The following ATP8A2 variants were observed in gnomAD, a reference collection of about 807,000 sequenced individuals.
ATP8A2 encodes ATPase phospholipid transporting 8A2, also known as phospholipid-transporting ATPase IB.
Under a neutral mutation model 165.6 loss-of-function variants are expected in ATP8A2, and 100 were observed. The ratio of observed to expected loss-of-function variants is 0.60; its 90% CI spans 0.51 to 0.71. The LOEUF is 0.71. Ranked by LOEUF, ATP8A2 falls within the 30% of genes least tolerant of loss-of-function variation. The pLI is 0.00. For missense variants in ATP8A2, 1,227 were observed against 1,479.5 expected (o/e 0.83, Z 2.80); for synonymous variants, 543 against 548.8 (o/e 0.99, Z 0.15).
chr13:25,513,261 G>A (rs183731400), intron 2 of ATP8A2, among the ~76,000 whole-genome samples: 10,405 of 151,386 alleles, frequency 0.069, 464 homozygotes, highest in African/African-American at 0.11. Flanking sequence ...GGGCAGAGAC[G>A]CTCCTCACCT....
At chr13:25,610,158 C>T (rs1031585680) in intron 24 of ATP8A2, among the ~76,000 whole-genome samples, 5 of 151,932 alleles carry the variant, frequency 3.3e-5, no homozygotes, top group African/African-American at 1.2e-4. Context: ...GTTGCATTTG[C>T]TTTTGGGTTC....
At chr13:25,450,982 T>A (rs1030173052) in intron 1 of ATP8A2, among the ~76,000 whole-genome samples, 1 of 152,078 alleles carries the variant, frequency 6.6e-6, no homozygotes, top group Admixed American at 6.5e-5. Context: ...ACCTTTGGGT[T>A]TATGGTTTTC....
chr13:25,991,026 G>A (rs1194186906), intron 35 of ATP8A2, among the ~76,000 whole-genome samples: 1 of 152,118 alleles, frequency 6.6e-6, no homozygotes, highest in Non-Finnish European at 1.5e-5. Context: ...ATGTGCTGGG[G>A]CTGTCATTCA....
At chr13:25,518,648 T>C (rs2137826844) in intron 2 of ATP8A2, among the ~76,000 whole-genome samples, 1 of 152,262 alleles carries the variant, frequency 6.6e-6, no homozygotes, top group African/African-American at 2.4e-5. Flanking sequence ...ACTTCAATTT[T>C]TCTCGTAGCT....
chr13:25,419,006 A>C (rs557450172), intron 1 of ATP8A2, among the ~76,000 whole-genome samples: 3 of 152,000 alleles, frequency 2.0e-5, no homozygotes, highest in Admixed American at 6.6e-5. Flanking sequence ...AAGAGAAGGG[A>C]GGGGGAAGAA....
At chr13:25,654,464 C>T (rs1371473017) in intron 24 of ATP8A2, among the ~76,000 whole-genome samples, 1 of 152,158 alleles carries the variant, frequency 6.6e-6, no homozygotes, top group Non-Finnish European at 1.5e-5. Context: ...TTGGCCTCCT[C>T]CCAAAGTGCT....
chr13:25,892,134 C>T (rs1287729102), intron 33 of ATP8A2, among the ~76,000 whole-genome samples: 1 of 152,020 alleles, frequency 6.6e-6, no homozygotes, highest in Non-Finnish European at 1.5e-5. Flanking sequence ...CGCCACCACA[C>T]CTGGCTAATC....
intron 27 of ATP8A2, among the ~76,000 whole-genome samples, chr13:25,778,356 C>T (rs995138605): frequency 2.0e-5 from 3 of 152,018 alleles, no homozygotes; most frequent in South Asian, 2.1e-4. Flanking sequence ...TTGAGTGTGC[C>T]GCATAAAATT....
At chr13:25,629,068 G>T (rs186557688) in intron 24 of ATP8A2, among the ~76,000 whole-genome samples, 1 of 152,050 alleles carries the variant, frequency 6.6e-6, no homozygotes, top group African/African-American at 2.4e-5. Context: ...TAACTCTTCT[G>T]TCATGTTTAT....
At chr13:25,705,669 G>A (rs9578911) in intron 25 of ATP8A2, among the ~76,000 whole-genome samples, 7,260 of 152,224 alleles carry the variant, frequency 0.048, 213 homozygotes, top group Middle Eastern at 0.099. Flanking sequence ...CTGTAAGAGT[G>A]ATTTATATTT....
intron 35 of ATP8A2, among the ~76,000 whole-genome samples, chr13:25,992,678 T>G (rs1216521405): frequency 1.5e-5 from 1 of 65,368 alleles, no homozygotes; most frequent in Non-Finnish European, 4.2e-5. Flanking sequence ...AGTTGTATAG[T>G]TTTTTTTTTG....
At chr13:25,655,639 T>C (rs1219874163) in intron 24 of ATP8A2, among the ~76,000 whole-genome samples, 1 of 151,798 alleles carries the variant, frequency 6.6e-6, no homozygotes, top group Non-Finnish European at 1.5e-5. Context: ...ATCTGATGCC[T>C]CTAACTGGGA....
Position 25,577,060 on chromosome 13 carries a change from C to G in ATP8A2, c.1713-9C>G, listed in dbSNP as rs774974871. On this transcript the variant is annotated splice_polypyrimidine_tract_variant and intron_variant, in intron 19 of 36. Coordinates refer to ENST00000381655, the MANE Select transcript of ATP8A2 (RefSeq NM_016529.6). ...ACCAATGATGACTTTTTTTTTTTCA[C>G]TCTCCCAGTGACAGAAAAAGAATGT... The G allele has an allele frequency of 6.3e-7, 1 of 1,597,754 alleles. No homozygotes were observed. The highest frequency in any genetic ancestry group is 8.5e-7 in the Non-Finnish European group (1 of 1,172,908).
chr13:25,478,596 T>A (rs1284380039), intron 2 of ATP8A2, among the ~76,000 whole-genome samples: 1 of 152,238 alleles, frequency 6.6e-6, no homozygotes, highest in Non-Finnish European at 1.5e-5. Flanking sequence ...CATAGGTTTT[T>A]AGCCTTTACT....
rs369407648 is a variant in ATP8A2, at chr13:25,558,930, C to G, written c.1264-43C>G. On this transcript the variant is annotated intron_variant, in intron 13 of 36. Coordinates refer to ENST00000381655, the MANE Select transcript of ATP8A2 (RefSeq NM_016529.6). The stretch of plus-strand genomic sequence containing the variant: ...AGACTTCATTTGTTGATCTTTGCAT[C>G]TCAATACTTCCTGATGTATATTTCT... The G allele has an allele frequency of 4.4e-6, 6 of 1,348,692 alleles. No homozygotes were observed. In the African/African-American group the frequency reaches 8.8e-5, roughly 20 times the overall value. The allele number at this position is 1,348,692 out of a possible 1,614,324, so 83.5% of individuals were successfully genotyped here. A position where few individuals can be genotyped will look rare whatever the true frequency, so the allele number is the denominator to read the frequency against.
chr13:25,688,816 G>C (rs2042661538), intron 24 of ATP8A2, among the ~76,000 whole-genome samples: 1 of 152,236 alleles, frequency 6.6e-6, no homozygotes, highest in African/African-American at 2.4e-5. Flanking sequence ...GGCCCTTTCT[G>C]TCTGGTGCCT....
chr13:25,481,153 A>AGGGAGAGGGAGACCGTG (rs71077471), intron 2 of ATP8A2, among the ~76,000 whole-genome samples: 28,007 of 124,516 alleles, frequency 0.22, 3,560 homozygotes, highest in Middle Eastern at 0.25. Flanking sequence ...GTGGAAAGAG[A>AGGGAGAGGGAGACCGTG]GGGAGAGGGA....
At chr13:25,989,985 CTTAGAGCGGGTT>C (rs1956353415) in intron 35 of ATP8A2, among the ~76,000 whole-genome samples, 1 of 152,136 alleles carries the variant, frequency 6.6e-6, no homozygotes, top group South Asian at 2.1e-4. Context: ...AAGCACCTCC[CTTAGAGCGGGTT>C]TTAGAAAGTC....
At chr13:25,830,291 T>C (rs1951429599) in intron 28 of ATP8A2, among the ~76,000 whole-genome samples, 1 of 152,124 alleles carries the variant, frequency 6.6e-6, no homozygotes, top group Admixed American at 6.5e-5. Flanking sequence ...AGGATTATAG[T>C]CATGAGCCGC....
Sources: allele counts gnomAD v4.1 joint callset (sites outside exome capture counted in the v4.1 genomes callset), GRCh38; gene constraint gnomAD v4.1.1; transcripts MANE v1.5; gene names NCBI Gene and HGNC (gene_info 2026-07-23, HGNC 2026-07-21).